The following NAPB variants were observed in gnomAD, a reference collection of about 807,000 sequenced individuals.
The protein encoded by NAPB is beta-soluble NSF attachment protein.
In NAPB, 26 loss-of-function variants were observed where a neutral mutation model predicts 44.7. The observed-to-expected ratio is 0.58, with a 90% confidence interval of 0.43 to 0.81. The LOEUF is 0.81. NAPB is among the 30% of genes least tolerant of loss of function. NAPB has a pLI of 0.00. For synonymous variants in NAPB, 120 were observed against 116.8 expected, an observed-to-expected ratio of 1.03 and a Z score of -0.18; for missense variants, 315 against 356.4, an observed-to-expected ratio of 0.88 and a Z score of 0.94.
chr20:23,412,767 A>T (rs1028171245), intron 1 of NAPB, among the ~76,000 whole-genome samples: 31 of 152,222 alleles, frequency 2.0e-4, no homozygotes, highest in African/African-American at 7.0e-4. Flanking sequence ...AGGCCAAGGC[A>T]ATTGGATCGT....
chr20:23,386,920 CT>C (rs1462430406), intron 7 of NAPB, among the ~76,000 whole-genome samples: 3 of 152,100 alleles, frequency 2.0e-5, no homozygotes, highest in Non-Finnish European at 4.4e-5. Context: ...TGGGAAACCC[CT>C]CAAAGTTTGC....
In NAPB at chr20:23,390,858, A is replaced by G. The variant is rs888225938; in HGVS notation, c.421-594T>C. On this transcript the variant is annotated intron_variant, in intron 5 of 10. Transcript: ENST00000377026. ...CTATGACTTGCAGCACAGACTACAC[A>G]CACTAATACCTTAAGTGTCACCTAG... Among the ~76,000 whole-genome samples the G allele has an allele frequency of 7.2e-5, 11 of 152,292 alleles. No homozygotes were observed. The East Asian group carries it at 1.9e-3, about 27-fold the overall frequency.
chr20:23,381,452 G>A (rs756525594), intron 7 of NAPB, 135 bp from the exon 8 acceptor site: 38 of 551,274 alleles, frequency 6.9e-5, no homozygotes, highest in Non-Finnish European at 8.4e-5. Context: ...TATTTTATCC[G>A]AATACCATAT....
chr20:23,387,593 T>A, intron 7 of NAPB, among the ~76,000 whole-genome samples: 1 of 152,150 alleles, frequency 6.6e-6, no homozygotes, highest in East Asian at 1.9e-4. Flanking sequence ...ACACTAGCAG[T>A]TAACAATCTT....
chr20:23,412,833 TAAA>T (rs989341985), intron 1 of NAPB, among the ~76,000 whole-genome samples: 2 of 152,114 alleles, frequency 1.3e-5, no homozygotes, highest in African/African-American at 4.8e-5. Flanking sequence ...GTGTCTCTAC[TAAA>T]TATACAAAAA....
rs1982595181 is a variant in NAPB at position 23,377,308 on chromosome 20, T to C, written c.*68A>G. ...ATTAAGCCATTAAATAGGCATCCCA[T>C]AAAGATCACTTGACCCTAAGACAAA... On this transcript the variant is annotated 3_prime_UTR_variant, in exon 11 of 11. Coordinates refer to ENST00000377026, the MANE Select transcript of NAPB (RefSeq NM_022080.3). 34 of 1,013,580 alleles carry C rather than the reference T, an allele frequency of 3.4e-5. 1 individual carries two copies. In the South Asian group the frequency reaches 6.2e-4, roughly 19 times the overall value. 62.8% of individuals were successfully genotyped at this position (1,013,580 alleles called of 1,614,324 possible).
At chr20:23,419,579 A>G (rs943900969) in intron 1 of NAPB, among the ~76,000 whole-genome samples, 1 of 152,208 alleles carries the variant, frequency 6.6e-6, no homozygotes, top group Non-Finnish European at 1.5e-5. Context: ...CATTAAAATA[A>G]CCTCCTGGCA....
intron 3 of NAPB, among the ~76,000 whole-genome samples, chr20:23,395,855 A>G (rs1386162146): frequency 1.3e-5 from 2 of 152,372 alleles, no homozygotes; most frequent in Non-Finnish European, 2.9e-5. Context: ...TGATGCTGGC[A>G]TACAGTGACA....
chr20:23,420,908 G>A (rs1986368665), intron 1 of NAPB, among the ~76,000 whole-genome samples: 1 of 151,398 alleles, frequency 6.6e-6, no homozygotes, highest in African/African-American at 2.4e-5. Context: ...GAGGGTCCCT[G>A]TGAGACTCTG....
chr20:23,402,195 C>T (rs1302819672), intron 2 of NAPB, among the ~76,000 whole-genome samples: 3 of 152,172 alleles, frequency 2.0e-5, no homozygotes, highest in Non-Finnish European at 4.4e-5. Flanking sequence ...TGCCTTGAAA[C>T]AGCTTGTAGA....
At position 23,375,352 on chromosome 20, in the gene NAPB, G is replaced by A. The variant is rs543044001; in HGVS notation, c.*2024C>T. Reference sequence around the variant, plus strand: ...TGATGAAAGCTAAACATAATTGCCCGAAAATAAATCATGTAGTTTTTACTT... The same window carrying A: ...TGATGAAAGCTAAACATAATTGCCCAAAAATAAATCATGTAGTTTTTACTT... On this transcript the variant is annotated 3_prime_UTR_variant, in exon 11 of 11. Coordinates refer to ENST00000377026, the MANE Select transcript of NAPB (RefSeq NM_022080.3). 5 of 152,164 alleles carry A rather than the reference G, an allele frequency of 3.3e-5. No homozygotes were observed. Among genetic ancestry groups the A allele is most frequent in the South Asian group, 2.1e-4 (1 of 4,826 alleles). The allele number at this position is 152,164 out of a possible 1,614,324, so 9.4% of individuals were successfully genotyped here.
chr20:23,388,990 CA>C (rs1983735751), intron 7 of NAPB, among the ~76,000 whole-genome samples: 2 of 151,856 alleles, frequency 1.3e-5, no homozygotes, highest in South Asian at 4.2e-4. Context: ...TAAATACTTG[CA>C]AATCACATAT....
Position 23,377,442 on chromosome 20 carries a change from G to T in NAPB, c.831C>A (p.Thr277=). 1 of 1,605,952 alleles carries T rather than the reference G, an allele frequency of 6.2e-7. No individual in the cohort carries two copies. The highest frequency in any genetic ancestry group is 8.5e-7 in the Non-Finnish European group (1 of 1,174,670). Residue 277 remains threonine (T), a synonymous_variant, in exon 11 of 11, where the codon ACC becomes ACA. Transcript: ENST00000377026. ...ACTTTTTGATGCGAAGCAACATGGT[G>T]GTCAGCCACTGATCCAAGCGAGATA... ...DSISRLDQWL[T]TMLLRIKKSI...
chr20:23,406,946 T>C (rs1376505266), intron 1 of NAPB, among the ~76,000 whole-genome samples: 1 of 152,262 alleles, frequency 6.6e-6, no homozygotes, highest in African/African-American at 2.4e-5. Flanking sequence ...ATATATGTTA[T>C]GTCATTTTCA....
In NAPB at chr20:23,376,822, C is replaced by T. The variant is rs530021820; in HGVS notation, c.*554G>A. The T allele has an allele frequency of 6.6e-6, 1 of 152,280 alleles. No individual in the cohort carries two copies. The highest frequency in any genetic ancestry group is 1.9e-4 in the East Asian group (1 of 5,180). 9.4% of individuals were successfully genotyped at this position (152,280 alleles called of 1,614,324 possible). ...CTGGCTATTCTAAATTTTTGCCATG[C>T]ACATGTTAGCATACGGAACAACACA... On this transcript the variant is annotated 3_prime_UTR_variant, in exon 11 of 11. Coordinates refer to ENST00000377026, the MANE Select transcript of NAPB (RefSeq NM_022080.3).
intron 1 of NAPB, among the ~76,000 whole-genome samples, chr20:23,417,853 A>G (rs1434295279): frequency 3.9e-5 from 6 of 152,028 alleles, no homozygotes; most frequent in Non-Finnish European, 7.4e-5. Context: ...TCAAGCAGAT[A>G]AGGCAGAGGA....
At chr20:23,385,399 G>GT (rs1983416495) in intron 7 of NAPB, among the ~76,000 whole-genome samples, 2 of 152,240 alleles carry the variant, frequency 1.3e-5, no homozygotes, top group South Asian at 4.1e-4. Flanking sequence ...TGAAAGAAGA[G>GT]TCAGACAAAT....
chr20:23,392,215 T>A (rs1984012714), intron 5 of NAPB, among the ~76,000 whole-genome samples: 1 of 152,216 alleles, frequency 6.6e-6, no homozygotes, highest in Non-Finnish European at 1.5e-5. Context: ...CATCAGGTAA[T>A]CTCACATGTG....
intron 7 of NAPB, among the ~76,000 whole-genome samples, chr20:23,381,851 A>G (rs1260523030): frequency 6.6e-6 from 1 of 152,190 alleles, no homozygotes; most frequent in Non-Finnish European, 1.5e-5. Flanking sequence ...AATATCACAG[A>G]AAAACTGAGG....
Sources: gnomAD v4.1 joint callset for allele counts (sites outside exome capture counted in the v4.1 genomes callset) on GRCh38, gnomAD v4.1.1 for gene constraint, MANE v1.5 for transcripts, NCBI Gene and HGNC (gene_info 2026-07-23, HGNC 2026-07-21) for gene names.